The following ETV1 variants were observed in gnomAD, a reference collection of about 807,000 sequenced individuals.
The protein encoded by ETV1 is ETS translocation variant 1.
ETV1 carries 27 observed loss-of-function variants against 62.3 expected under a neutral mutation model. The observed-to-expected ratio is 0.43, with a 90% CI of 0.32 to 0.60. The LOEUF is 0.60. Ranked by LOEUF, ETV1 falls within the 20% of genes least tolerant of loss-of-function variation. The pLI, the probability that ETV1 is intolerant of heterozygous loss-of-function variation, is 0.06. For missense variants in ETV1, 605 were observed against 605.8 expected (o/e 1.00, Z 0.01); for synonymous variants, 222 against 199.6 (o/e 1.11, Z -0.94).
At chr7:13,896,923 G>T (rs1359115826) in intron 13 of ETV1, among the ~76,000 whole-genome samples, 1 of 151,818 alleles carries the variant, frequency 6.6e-6, no homozygotes, top group Non-Finnish European at 1.5e-5. Flanking sequence ...TGAAGTAAGA[G>T]GTGTAAAAAA....
intron 6 of ETV1, among the ~76,000 whole-genome samples, chr7:13,945,950 C>G (rs1212375246): frequency 3.3e-5 from 5 of 152,204 alleles, no homozygotes; most frequent in African/African-American, 1.2e-4. Flanking sequence ...TTGAACACGG[C>G]TCCAGCCTGC....
chr7:13,939,050 A>G lies in ETV1; in HGVS notation c.365+67T>C. ...CTCATAAAATATGACTTGAGATTTC[A>G]TATTATTCTGGACTTTTTGATTCAA... is the stretch of plus-strand genomic sequence containing the variant. On this transcript the variant is annotated intron_variant, in intron 7 of 13. Coordinates refer to ENST00000430479, the MANE Select transcript of ETV1 (RefSeq NM_004956.5). 3 of 1,475,156 alleles carry G rather than the reference A, an allele frequency of 2.0e-6. No homozygotes were observed. In the East Asian group the frequency reaches 7.0e-5, roughly 35 times the overall value. 91.4% of individuals were successfully genotyped at this position (1,475,156 alleles called of 1,614,324 possible).
At chr7:13,941,274 A>G (rs1787474131) in intron 6 of ETV1, among the ~76,000 whole-genome samples, 2 of 152,218 alleles carry the variant, frequency 1.3e-5, no homozygotes, top group African/African-American at 4.8e-5. Context: ...ACTAGCTATT[A>G]GATAATTTAA....
chr7:13,915,889 G>T (rs1038856060), intron 9 of ETV1, among the ~76,000 whole-genome samples: 1 of 152,036 alleles, frequency 6.6e-6, no homozygotes, highest in Non-Finnish European at 1.5e-5. Flanking sequence ...AGTTTTATAA[G>T]ACCTATTTGC....
At chr7:13,926,278 T>C (rs893886630) in intron 9 of ETV1, among the ~76,000 whole-genome samples, 5 of 152,270 alleles carry the variant, frequency 3.3e-5, no homozygotes, top group Non-Finnish European at 7.4e-5. Context: ...TTCTCTAAAG[T>C]CAAAGTTTAG....
chr7:13,972,716 C>A (rs1460056678), intron 6 of ETV1, among the ~76,000 whole-genome samples: 3 of 152,144 alleles, frequency 2.0e-5, no homozygotes, highest in Admixed American at 1.3e-4. Flanking sequence ...GTTATTGTTT[C>A]TCTTAGCCTT....
At chr7:13,988,261 C>G (rs1782734918) in intron 3 of ETV1, 88 bp from the exon 4 acceptor site, 2 of 692,664 alleles carry the variant, frequency 2.9e-6, no homozygotes, top group Admixed American at 2.5e-5. Flanking sequence ...CACACACAGA[C>G]ATGCATACAT....
chr7:13,906,992 G>T (rs930085088), intron 11 of ETV1, among the ~76,000 whole-genome samples: 2 of 150,838 alleles, frequency 1.3e-5, no homozygotes, highest in African/African-American at 2.4e-5. Context: ...CACTGAAGAG[G>T]GAATAATCAA....
chr7:13,981,497 A>G (rs1387750003), intron 5 of ETV1, among the ~76,000 whole-genome samples: 1 of 146,958 alleles, frequency 6.8e-6, no homozygotes, highest in African/African-American at 2.6e-5. Flanking sequence ...TGACGTTTAC[A>G]AAGTTACATA....
At chr7:13,940,862 A>T (rs1787422229) in intron 6 of ETV1, among the ~76,000 whole-genome samples, 1 of 152,202 alleles carries the variant, frequency 6.6e-6, no homozygotes, top group Admixed American at 6.5e-5. Context: ...TAATTTTGAT[A>T]CAAGTGTTCA....
At chr7:13,907,871 A>G (rs1463264019) in intron 11 of ETV1, 4 of 470,142 alleles carry the variant, frequency 8.5e-6, no homozygotes, top group Non-Finnish European at 1.8e-5. Flanking sequence ...ACCAAAATAT[A>G]AAATGTGTGA....
chr7:13,921,075 T>TTATG (rs1316772083), intron 9 of ETV1, among the ~76,000 whole-genome samples: 25 of 152,286 alleles, frequency 1.6e-4, no homozygotes, highest in Admixed American at 1.4e-3. Context: ...TTTCTGAAAG[T>TTATG]TCAATAGCTC....
At chr7:13,979,862 G>C (rs1781817799) in intron 5 of ETV1, among the ~76,000 whole-genome samples, 2 of 152,126 alleles carry the variant, frequency 1.3e-5, no homozygotes, top group South Asian at 4.1e-4. Flanking sequence ...ATCGTAAGCA[G>C]ATTTGCAACT....
chr7:13,980,199 A>G (rs1411314081), intron 5 of ETV1, among the ~76,000 whole-genome samples: 1 of 152,184 alleles, frequency 6.6e-6, no homozygotes, highest in Non-Finnish European at 1.5e-5. Flanking sequence ...ACGAAGCAGC[A>G]TGCTACTTAA....
Position 13,988,362 on chromosome 7 carries a change from T to C in ETV1, c.46-189A>G, listed in dbSNP as rs896871139. The C allele has an allele frequency of 4.1e-5, 24 of 589,202 alleles. No homozygotes were observed. The East Asian group carries it at 6.9e-4, about 17-fold the overall frequency. The allele number at this position is 589,202 out of a possible 1,614,324, so 36.5% of individuals were successfully genotyped here. On this transcript the variant is annotated intron_variant, in intron 3 of 13. Coordinates refer to ENST00000430479, the MANE Select transcript of ETV1 (RefSeq NM_004956.5). ...TCTCACTTATTTGACAGTGAAAGCT[T>C]ATGTTAAGCAGGCAGGGAGAGTTGC...
intron 3 of ETV1, chr7:13,988,607 AAAGAGAAAATGAG>A: frequency 4.0e-6 from 5 of 1,257,512 alleles, no homozygotes; most frequent in South Asian, 1.9e-5. Flanking sequence ...AAAAAAAAAA[AAAGAGAAAATGAG>A]AAAAAAAAAA....
At chr7:13,960,492 A>T (rs2128482253) in intron 6 of ETV1, among the ~76,000 whole-genome samples, 1 of 152,320 alleles carries the variant, frequency 6.6e-6, no homozygotes, top group African/African-American at 2.4e-5. Context: ...TTACTTACAC[A>T]GCTTAAAGAA....
intron 6 of ETV1, among the ~76,000 whole-genome samples, chr7:13,961,061 G>A (rs1022875391): frequency 1.3e-4 from 19 of 143,698 alleles, no homozygotes; most frequent in Non-Finnish European, 2.5e-4. Context: ...TTGGGAGATC[G>A]CTTGAGCGCG....
intron 6 of ETV1, among the ~76,000 whole-genome samples, chr7:13,943,736 C>T (rs912156348): frequency 3.3e-5 from 5 of 151,848 alleles, no homozygotes; most frequent in African/African-American, 7.3e-5. Context: ...TACAAAGTTA[C>T]GGAAATATAT....
Sources: gnomAD v4.1 joint callset for allele counts (sites outside exome capture counted in the v4.1 genomes callset) on GRCh38, gnomAD v4.1.1 for gene constraint, MANE v1.5 for transcripts, NCBI Gene and HGNC (gene_info 2026-07-23, HGNC 2026-07-21) for gene names.